NR6A1: variants seen among roughly 807,000 people sequenced by gnomAD.
NR6A1 encodes the protein retinoic acid receptor-related testis-associated receptor.
NR6A1 carries 7 observed loss-of-function variants against 59.1 expected under a neutral mutation model. The observed-to-expected ratio is 0.12, with a 90% CI of 0.07 to 0.22. NR6A1 has a LOEUF of 0.22. Ranked by LOEUF, NR6A1 falls within the 10% of genes least tolerant of loss-of-function variation. The pLI, the probability that NR6A1 is intolerant of heterozygous loss-of-function variation, is 1.00. For synonymous variants in NR6A1, 243 were observed against 236.1 expected, an observed-to-expected ratio of 1.03 and a Z score of -0.27; for missense variants, 468 against 611.6, an observed-to-expected ratio of 0.77 and a Z score of 2.48.
chr9:124,618,229 C>T (rs1047780100), intron 2 of NR6A1, among the ~76,000 whole-genome samples: 3 of 152,116 alleles, frequency 2.0e-5, no homozygotes, highest in Non-Finnish European at 4.4e-5. Flanking sequence ...CACTTGTTAT[C>T]CCAGCACTTT....
At chr9:124,689,882 T>C (rs557364097) in intron 2 of NR6A1, among the ~76,000 whole-genome samples, 13 of 152,276 alleles carry the variant, frequency 8.5e-5, no homozygotes, top group Non-Finnish European at 1.5e-4. Flanking sequence ...CCACCAGGCA[T>C]CCTCTTTGTC....
At chr9:124,639,841 C>G (rs1323472866) in intron 2 of NR6A1, among the ~76,000 whole-genome samples, 1 of 152,136 alleles carries the variant, frequency 6.6e-6, no homozygotes, top group African/African-American at 2.4e-5. Flanking sequence ...AGTTCAGAAG[C>G]CTCACTGGAG....
chr9:124,703,207 ATTTTTTTT>A (rs80014383), intron 2 of NR6A1, among the ~76,000 whole-genome samples: 4 of 104,560 alleles, frequency 3.8e-5, no homozygotes, highest in African/African-American at 8.1e-5. Flanking sequence ...ACACGGCCAC[ATTTTTTTT>A]TTTTTTTTTT....
intron 2 of NR6A1, among the ~76,000 whole-genome samples, chr9:124,586,748 C>A (rs982058217): frequency 6.6e-6 from 1 of 152,072 alleles, no homozygotes; most frequent in Non-Finnish European, 1.5e-5. Context: ...CACACCCAGC[C>A]CATGATAAAA....
chr9:124,729,363 G>A (rs759234198), intron 2 of NR6A1, among the ~76,000 whole-genome samples: 29 of 152,088 alleles, frequency 1.9e-4, no homozygotes, highest in East Asian at 3.9e-4. Context: ...GTAAAAGTTC[G>A]GTTAAAATGA....
chr9:124,537,091 G>C (rs923518543), intron 6 of NR6A1, among the ~76,000 whole-genome samples: 1 of 62,702 alleles, frequency 1.6e-5, no homozygotes, highest in Non-Finnish European at 3.5e-5. Flanking sequence ...TTTTTTTTTT[G>C]AGACGGAGTC....
intron 2 of NR6A1, among the ~76,000 whole-genome samples, chr9:124,705,621 A>G (rs1307008094): frequency 6.6e-6 from 1 of 152,190 alleles, no homozygotes; most frequent in Admixed American, 6.5e-5. Context: ...CAGGCTAACC[A>G]TCTCTACCTT....
chr9:124,566,462 A>G lies in NR6A1; in HGVS notation c.143-11892T>C, dbSNP rs570120848. Among the ~76,000 whole-genome samples, 76 of 152,370 alleles carry G rather than the reference A, an allele frequency of 5.0e-4. 1 individual carries two copies. Among genetic ancestry groups the G allele is most frequent in the African/African-American group, 1.8e-3 (74 of 41,588 alleles). On this transcript the variant is annotated intron_variant, in intron 2 of 9. Coordinates refer to ENST00000487099, the MANE Select transcript of NR6A1 (RefSeq NM_033334.4). ...AAGGGAAATGATATCAGCAACGGCAAAAGGAAGGAAAACAAACGCAAGGTG... is the reference window on the plus strand; with the variant it reads ...AAGGGAAATGATATCAGCAACGGCAGAAGGAAGGAAAACAAACGCAAGGTG...
chr9:124,624,730 G>C (rs1446213676), intron 2 of NR6A1, among the ~76,000 whole-genome samples: 1 of 152,188 alleles, frequency 6.6e-6, no homozygotes, highest in Non-Finnish European at 1.5e-5. Context: ...TGTGATTTGA[G>C]CTTGCCATTG....
intron 9 of NR6A1, among the ~76,000 whole-genome samples, chr9:124,523,369 T>C (rs1832846644): frequency 6.6e-6 from 1 of 152,216 alleles, no homozygotes; most frequent in Non-Finnish European, 1.5e-5. Context: ...TTCAGTGTGC[T>C]AATATAATTT....
intron 2 of NR6A1, among the ~76,000 whole-genome samples, chr9:124,687,085 A>T (rs1838357566): frequency 6.6e-6 from 1 of 151,366 alleles, no homozygotes; most frequent in Non-Finnish European, 1.5e-5. Context: ...TTGCTATCTC[A>T]GTTACTTGGC....
chr9:124,655,967 T>C lies in NR6A1; in HGVS notation c.142+77341A>G, dbSNP rs947351029. On this transcript the variant is annotated intron_variant, in intron 2 of 9. Transcript: ENST00000487099. ...TGTAATTTGTTTGCTCCCCCCTCAT[T>C]GAGTCTCATGCTGAAATCTAACCCC... Among the ~76,000 whole-genome samples the C allele has an allele frequency of 2.0e-5, 3 of 152,134 alleles. No homozygotes were observed. The South Asian group carries it at 6.2e-4, about 32-fold the overall frequency.
intron 8 of NR6A1, among the ~76,000 whole-genome samples, 181 bp from the exon 9 acceptor site, chr9:124,525,054 A>G (rs1832894382): frequency 6.6e-6 from 1 of 152,148 alleles, no homozygotes; most frequent in Admixed American, 6.5e-5. Context: ...AGAAATGAAG[A>G]GAGAGAGGAA....
chr9:124,555,082 A>C (rs1396768559), intron 2 of NR6A1, among the ~76,000 whole-genome samples: 1 of 152,200 alleles, frequency 6.6e-6, no homozygotes, highest in Non-Finnish European at 1.5e-5. Flanking sequence ...ACAGCAGTGA[A>C]CAGAAGCCCC....
chr9:124,694,806 C>T (rs1035022259), intron 2 of NR6A1, among the ~76,000 whole-genome samples: 6 of 152,138 alleles, frequency 3.9e-5, no homozygotes, highest in African/African-American at 1.2e-4. Context: ...TTTGACAAGG[C>T]TTTCCTGTCA....
chr9:124,577,009 C>T (rs1834620454), intron 2 of NR6A1, among the ~76,000 whole-genome samples: 1 of 152,146 alleles, frequency 6.6e-6, no homozygotes, highest in Non-Finnish European at 1.5e-5. Context: ...TGAGCCATGA[C>T]TGCATCACCA....
rs75994102 is a variant in NR6A1 at position 124,657,299 on chromosome 9, T to G, written c.142+76009A>C. ...AAGTACAAACATCCAAACCCAAAAT[T>G]TACAGCAAAAGAGACAGATGGAATT... is the stretch of plus-strand genomic sequence containing the variant. On this transcript the variant is annotated intron_variant, in intron 2 of 9. Coordinates refer to ENST00000487099, the MANE Select transcript of NR6A1 (RefSeq NM_033334.4). Among the ~76,000 whole-genome samples, 106 of 152,048 alleles carry G rather than the reference T, an allele frequency of 7.0e-4. 2 individuals carry two copies. In the East Asian group the frequency reaches 0.016, roughly 23 times the overall value.
At chr9:124,553,766 G>A (rs1214257783) in intron 3 of NR6A1, among the ~76,000 whole-genome samples, 1 of 151,564 alleles carries the variant, frequency 6.6e-6, no homozygotes, top group Non-Finnish European at 1.5e-5. Flanking sequence ...AACTTTCTAG[G>A]TGGTTTTCTG....
At chr9:124,532,729 G>A (rs150342558) in intron 7 of NR6A1, among the ~76,000 whole-genome samples, 5 of 152,336 alleles carry the variant, frequency 3.3e-5, no homozygotes, top group African/African-American at 4.8e-5. Flanking sequence ...AGACAGCAAC[G>A]CTCAATAAAA....
Sources: allele counts gnomAD v4.1 joint callset (sites outside exome capture counted in the v4.1 genomes callset), GRCh38; gene constraint gnomAD v4.1.1; transcripts MANE v1.5; gene names NCBI Gene and HGNC (gene_info 2026-07-23, HGNC 2026-07-21).